GTF2IRD1: variants seen among roughly 807,000 people sequenced by gnomAD.
The protein encoded by GTF2IRD1 is GTF2I repeat domain containing 1.
Under a neutral mutation model 113.2 loss-of-function variants are expected in GTF2IRD1, and 26 were observed. The ratio of observed to expected loss-of-function variants is 0.23; its 90% CI spans 0.17 to 0.32. The LOEUF (loss-of-function observed/expected upper bound fraction) is 0.32, where lower values mean the gene tolerates loss of function less well. Among genes scored for constraint, GTF2IRD1 ranks in the 10% least tolerant of loss-of-function variants. The pLI, the probability that GTF2IRD1 is intolerant of heterozygous loss-of-function variation, is 1.00. For synonymous variants in GTF2IRD1, 484 were observed against 529.1 expected (o/e 0.91, Z 1.17); for missense variants, 864 against 1,280.8 (o/e 0.67, Z 4.97).
At position 74,512,810 on chromosome 7, in the gene GTF2IRD1, A is replaced by G. The variant is rs781884512; in HGVS notation, c.124-20A>G. ...GAGTATGGGGAGCCCTTCCGCTCACACAGCCTGCCCTTCCCACAGTGCTCA... is the reference window on the plus strand; with the variant it reads ...GAGTATGGGGAGCCCTTCCGCTCACGCAGCCTGCCCTTCCCACAGTGCTCA... On this transcript the variant is annotated intron_variant, in intron 2 of 26. Coordinates refer to ENST00000424337, the MANE Select transcript of GTF2IRD1 (RefSeq NM_005685.4). The surrounding 1 kb of genome is among the most constrained non-coding windows in gnomAD (Gnocchi z 4.4). The G allele has an allele frequency of 1.9e-6, 3 of 1,612,414 alleles. No individual in the cohort carries two copies. The highest frequency in any genetic ancestry group is 2.2e-5 in the South Asian group (2 of 91,028).
intron 2 of GTF2IRD1, among the ~76,000 whole-genome samples, chr7:74,509,865 CCGGG>C (rs1796523401): frequency 6.6e-6 from 1 of 151,986 alleles, no homozygotes; most frequent in South Asian, 2.1e-4. Flanking sequence ...TTAGTAGAGA[CCGGG>C]TTTCACCATG....
intron 3 of GTF2IRD1, among the ~76,000 whole-genome samples, chr7:74,513,885 C>T (rs921299841): frequency 6.6e-6 from 1 of 152,114 alleles, no homozygotes; most frequent in African/African-American, 2.4e-5. Flanking sequence ...TGATGGTGTA[C>T]ACCTGTAGTC....
intron 1 of GTF2IRD1, 44 bp from the exon 2 acceptor site, chr7:74,508,031 C>T (rs782424750): frequency 6.3e-7 from 1 of 1,576,202 alleles, no homozygotes. Context: ...TGAGACAAGC[C>T]CCCTGCCTTG....
rs782029548 is a variant in GTF2IRD1 at position 74,519,539 on chromosome 7, C to T, written c.736C>T (p.Pro246Ser). 2 of 1,612,248 alleles carry T rather than the reference C, an allele frequency of 1.2e-6. No individual in the cohort carries two copies. Among genetic ancestry groups the T allele is most frequent in the South Asian group, 2.2e-5 (2 of 90,808 alleles). Residue 246 changes from proline (P) to serine (S), a missense_variant, in exon 6 of 27, where the codon CCA becomes TCA. This residue lies in a region of GTF2IRD1 where 195 missense variants were observed against 196.6 expected (regional missense o/e 0.99). Coordinates refer to ENST00000424337, the MANE Select transcript of GTF2IRD1 (RefSeq NM_005685.4). The stretch of plus-strand genomic sequence containing the variant: ...CAAGGTGCCACCCCAGGACCTGCCC[C>T]CAACCGCCACCTCCTCCTCCATGGC... ...APKVPPQDLPPTATSSSMASF... is the reference protein window; with the variant it reads ...APKVPPQDLPSTATSSSMASF...
At chr7:74,517,857 G>C (rs1467426380) in intron 4 of GTF2IRD1, among the ~76,000 whole-genome samples, 1 of 152,188 alleles carries the variant, frequency 6.6e-6, no homozygotes, top group Non-Finnish European at 1.5e-5. Context: ...CTCCAGCCAG[G>C]TGCCCAGAGT....
intron 14 of GTF2IRD1, among the ~76,000 whole-genome samples, chr7:74,542,987 G>A (rs587637264): frequency 6.6e-6 from 1 of 152,312 alleles, no homozygotes; most frequent in Admixed American, 6.5e-5. Flanking sequence ...TTCCTTCCCA[G>A]GCACCCCAGT....
At chr7:74,470,352 C>A (rs140836067) in intron 1 of GTF2IRD1, among the ~76,000 whole-genome samples, 1 of 152,236 alleles carries the variant, frequency 6.6e-6, no homozygotes, top group East Asian at 1.9e-4. Flanking sequence ...GTGACCATCG[C>A]CACCATCTAA....
At chr7:74,580,619 G>A (rs2130935359) in intron 22 of GTF2IRD1, among the ~76,000 whole-genome samples, 1 of 152,124 alleles carries the variant, frequency 6.6e-6, no homozygotes, top group African/African-American at 2.4e-5. Flanking sequence ...TGGGCTAACA[G>A]ACAGCAGACT....
intron 24 of GTF2IRD1, among the ~76,000 whole-genome samples, chr7:74,592,206 TCTC>T (rs1389378531): frequency 1.6e-4 from 25 of 151,762 alleles, no homozygotes; most frequent in Admixed American, 1.4e-3. Context: ...TTCAAGCAAT[TCTC>T]CTGTCTCAGT....
chr7:74,538,219 C>G (rs1583828610), intron 12 of GTF2IRD1, 46 bp downstream of exon 12: 2 of 1,582,902 alleles, frequency 1.3e-6, no homozygotes, highest in Non-Finnish European at 1.7e-6. Context: ...GCCGGGAGGG[C>G]AACCACCAGC....
At chr7:74,464,961 T>C (rs151338655) in intron 1 of GTF2IRD1, among the ~76,000 whole-genome samples, 173 of 152,214 alleles carry the variant, frequency 1.1e-3, no homozygotes, top group Non-Finnish European at 2.0e-3. Context: ...GGAAGGCCCT[T>C]GGGTGCTCCT....
chr7:74,478,416 C>G (rs1193990560), intron 1 of GTF2IRD1, among the ~76,000 whole-genome samples: 1 of 152,166 alleles, frequency 6.6e-6, no homozygotes, highest in African/African-American at 2.4e-5. Flanking sequence ...ATTACCATCA[C>G]CCTTTTGCTC....
chr7:74,548,421 CAA>C (rs782421473), intron 17 of GTF2IRD1, among the ~76,000 whole-genome samples: 7 of 120,374 alleles, frequency 5.8e-5, no homozygotes, highest in Non-Finnish European at 5.3e-5. Context: ...GACTTCGTCT[CAA>C]AAAAAAAAAA....
intron 22 of GTF2IRD1, among the ~76,000 whole-genome samples, chr7:74,575,140 G>A (rs1800960660): frequency 6.6e-6 from 1 of 152,108 alleles, no homozygotes; most frequent in East Asian, 1.9e-4. Flanking sequence ...CTACATGGTG[G>A]GGCGGGGGGA....
At chr7:74,487,520 C>G (rs1242427114) in intron 1 of GTF2IRD1, 1 of 152,176 alleles carries the variant, frequency 6.6e-6, no homozygotes, top group East Asian at 1.9e-4. Flanking sequence ...CAGGCTCTTT[C>G]AGGGTGGTGG....
intron 1 of GTF2IRD1, among the ~76,000 whole-genome samples, chr7:74,470,790 T>C (rs1794035332): frequency 6.6e-6 from 1 of 151,888 alleles, no homozygotes; most frequent in Non-Finnish European, 1.5e-5. Flanking sequence ...GCTTCCAACC[T>C]AGTTCTGTTC....
intron 1 of GTF2IRD1, among the ~76,000 whole-genome samples, chr7:74,492,986 T>C (rs1363052438): frequency 2.0e-5 from 3 of 152,168 alleles, no homozygotes; most frequent in African/African-American, 2.4e-5. Flanking sequence ...TTGCTCAGGC[T>C]AGTCTCAAAC....
At chr7:74,513,140 C>A (rs1375874059) in intron 3 of GTF2IRD1, among the ~76,000 whole-genome samples, 169 bp downstream of exon 3, 3 of 152,174 alleles carry the variant, frequency 2.0e-5, no homozygotes, top group African/African-American at 7.2e-5. Context: ...TGAGGCAGCC[C>A]CTGAGTTGAT....
chr7:74,567,333 A>G (rs587656049), intron 22 of GTF2IRD1, among the ~76,000 whole-genome samples: 1 of 151,866 alleles, frequency 6.6e-6, no homozygotes, highest in Non-Finnish European at 1.5e-5. Context: ...TCTCAAAAAT[A>G]AAAAAGAAAA....
Sources: allele counts gnomAD v4.1 joint callset (sites outside exome capture counted in the v4.1 genomes callset), GRCh38; gene constraint gnomAD v4.1.1; regional missense constraint gnomAD v4.1.1; non-coding constraint Gnocchi (gnomAD v3.1); transcripts MANE v1.5; gene names NCBI Gene and HGNC (gene_info 2026-07-23, HGNC 2026-07-21).